COL11A1: variants seen among roughly 807,000 people sequenced by gnomAD.
COL11A1 encodes the protein collagen type XI alpha 1 chain.
A neutral mutation model predicts 265.2 loss-of-function variants in COL11A1; 74 were observed. The ratio of observed to expected loss-of-function variants is 0.28; its 90% CI spans 0.23 to 0.34. COL11A1 has a LOEUF of 0.34. Ranked by LOEUF, COL11A1 falls within the 10% of genes least tolerant of loss-of-function variation. COL11A1 has a pLI of 1.00. For synonymous variants in COL11A1, 816 were observed against 727.6 expected (o/e 1.12, Z -1.96); for missense variants, 2,165 against 2,263.6 (o/e 0.96, Z 0.88).
chr1:102,902,443 T>TC (rs1387731265), intron 54 of COL11A1, among the ~76,000 whole-genome samples: 1 of 151,994 alleles, frequency 6.6e-6, no homozygotes, highest in African/African-American at 2.4e-5. Context: ...AATTTTTGTT[T>TC]CCCCACATTA....
chr1:102,976,075 T>G (rs1337523970), intron 35 of COL11A1, among the ~76,000 whole-genome samples: 1 of 152,088 alleles, frequency 6.6e-6, no homozygotes, highest in Non-Finnish European at 1.5e-5. Context: ...AAATCCATTT[T>G]AAGTACAAAT....
At chr1:103,098,845 C>T (rs1490575482) in intron 1 of COL11A1, among the ~76,000 whole-genome samples, 3 of 151,700 alleles carry the variant, frequency 2.0e-5, no homozygotes, top group Non-Finnish European at 4.4e-5. Context: ...TCAGAAATAA[C>T]AAAGTGGGAG....
At chr1:103,107,982 G>A in intron 1 of COL11A1, 91 bp downstream of exon 1, 1 of 835,994 alleles carries the variant, frequency 1.2e-6, no homozygotes, top group South Asian at 1.4e-5. Flanking sequence ...TTTTCTTGAA[G>A]AGCGGGGAGG....
intron 54 of COL11A1, among the ~76,000 whole-genome samples, chr1:102,904,544 C>T (rs1248830286): frequency 1.3e-5 from 2 of 151,886 alleles, no homozygotes; most frequent in African/African-American, 4.8e-5. Context: ...AACAAACAAC[C>T]CCATCAAAAA....
chr1:102,928,722 G>A (rs1656966894), intron 46 of COL11A1, among the ~76,000 whole-genome samples: 1 of 144,750 alleles, frequency 6.9e-6, no homozygotes, highest in Non-Finnish European at 1.5e-5. Flanking sequence ...CAGTGTAAAA[G>A]TGTTCCTATT....
chr1:102,934,256 G>T (rs1334052663), intron 46 of COL11A1, among the ~76,000 whole-genome samples, 193 bp downstream of exon 46: 1 of 152,236 alleles, frequency 6.6e-6, no homozygotes, highest in East Asian at 1.9e-4. Context: ...ATGTTCAGGA[G>T]AATTAATCAT....
intron 35 of COL11A1, among the ~76,000 whole-genome samples, chr1:102,975,704 T>A (rs1662401634): frequency 6.6e-6 from 1 of 152,168 alleles, no homozygotes; most frequent in Admixed American, 6.5e-5. Flanking sequence ...TTTAAGAAGA[T>A]TTATGAAAGA....
chr1:102,949,406 G>A (rs1249254037), intron 41 of COL11A1, among the ~76,000 whole-genome samples: 1 of 150,134 alleles, frequency 6.7e-6, no homozygotes, highest in Non-Finnish European at 1.5e-5. Context: ...TAATTTGTCG[G>A]GCCATAAAAT....
At chr1:102,957,457 C>T (rs747015600) in intron 41 of COL11A1, among the ~76,000 whole-genome samples, 56 of 151,832 alleles carry the variant, frequency 3.7e-4, no homozygotes, top group Non-Finnish European at 3.5e-4. Flanking sequence ...TTATTATTTC[C>T]CTAGCAATCC....
intron 28 of COL11A1, 125 bp from the exon 29 acceptor site, chr1:102,989,696 G>A: frequency 1.9e-6 from 1 of 536,148 alleles, no homozygotes; most frequent in Non-Finnish European, 3.3e-6. Flanking sequence ...GTGCATGGTA[G>A]TTGTGAAACT....
Position 103,004,454 on chromosome 1 carries a change from G to T in COL11A1, c.1934C>A (p.Pro645Gln). Reference protein sequence around the residue: ...EDGEIGPRGLPGEAGPRGLLG... With the variant: ...EDGEIGPRGLQGEAGPRGLLG... ...AAGTAAGTTGCTTACAGCTTCACCTGGAAGACCTCTTGGTCCAATTTCTCC... is the reference window on the plus strand; with the variant it reads ...AAGTAAGTTGCTTACAGCTTCACCTTGAAGACCTCTTGGTCCAATTTCTCC... Residue 645 changes from proline (P) to glutamine (Q), a missense_variant, in exon 20 of 67, where the codon CCA (proline) becomes CAA (glutamine). Coordinates refer to ENST00000370096, the MANE Select transcript of COL11A1 (RefSeq NM_001854.4). The T allele has an allele frequency of 1.9e-6, 3 of 1,611,134 alleles. No homozygotes were observed. The highest frequency in any genetic ancestry group is 2.5e-6 in the Non-Finnish European group (3 of 1,178,354).
chr1:103,039,352 A>C (rs909412580), intron 4 of COL11A1, among the ~76,000 whole-genome samples: 6 of 152,148 alleles, frequency 3.9e-5, no homozygotes, highest in African/African-American at 1.4e-4. Flanking sequence ...TAAGGGTTAA[A>C]TTGTGTCCCC....
chr1:103,107,369 G>T (rs1419054029), intron 1 of COL11A1, among the ~76,000 whole-genome samples: 1 of 150,834 alleles, frequency 6.6e-6, no homozygotes, highest in Non-Finnish European at 1.5e-5. Flanking sequence ...CGTCCAACCT[G>T]CAAGAAGAAG....
chr1:102,973,443 G>A (rs1234490741), intron 36 of COL11A1, among the ~76,000 whole-genome samples: 1 of 152,144 alleles, frequency 6.6e-6, no homozygotes, highest in East Asian at 1.9e-4. Context: ...CATGAGCCAA[G>A]CAGTTCTCAA....
At chr1:103,080,369 A>C (rs1672309675) in intron 2 of COL11A1, among the ~76,000 whole-genome samples, 1 of 151,958 alleles carries the variant, frequency 6.6e-6, no homozygotes, top group African/African-American at 2.4e-5. Context: ...GAAAAAATTA[A>C]CAAAGTGAAG....
intron 46 of COL11A1, among the ~76,000 whole-genome samples, chr1:102,932,553 T>C (rs1657601753): frequency 6.6e-6 from 1 of 152,180 alleles, no homozygotes; most frequent in Admixed American, 6.5e-5. Context: ...CTTTGGTGAA[T>C]CTGACAATTA....
At chr1:103,029,236 A>G (rs952463447) in intron 5 of COL11A1, among the ~76,000 whole-genome samples, 4 of 152,082 alleles carry the variant, frequency 2.6e-5, no homozygotes, top group African/African-American at 9.6e-5. Flanking sequence ...AATAATAAAC[A>G]TGCAATGCCA....
intron 35 of COL11A1, among the ~76,000 whole-genome samples, chr1:102,976,917 C>T (rs1662547926): frequency 6.6e-6 from 1 of 151,940 alleles, no homozygotes; most frequent in Non-Finnish European, 1.5e-5. Flanking sequence ...CCTTTAATAA[C>T]CAGCATCCAT....
chr1:103,106,340 A>T (rs578063738), intron 1 of COL11A1, among the ~76,000 whole-genome samples: 16 of 152,204 alleles, frequency 1.1e-4, no homozygotes, highest in Non-Finnish European at 1.6e-4. Context: ...AATAGCTGCC[A>T]TTACAATATT....
Sources: allele counts gnomAD v4.1 joint callset (sites outside exome capture counted in the v4.1 genomes callset), GRCh38; gene constraint gnomAD v4.1.1; transcripts MANE v1.5; gene names NCBI Gene and HGNC (gene_info 2026-07-23, HGNC 2026-07-21).